The following PNLDC1 variants were observed in gnomAD, a reference collection of about 807,000 sequenced individuals.
PNLDC1 encodes the protein poly(A)-specific ribonuclease PNLDC1.
A neutral mutation model predicts 82.0 loss-of-function variants in PNLDC1; 70 were observed. The observed-to-expected ratio is 0.85, with a 90% CI of 0.70 to 1.04. PNLDC1 has a LOEUF of 1.04. Among genes scored for constraint, PNLDC1 ranks in the 50% least tolerant of loss-of-function variants. PNLDC1 has a pLI of 0.00. For synonymous variants in PNLDC1, 280 were observed against 249.3 expected (o/e 1.12, Z -1.16); for missense variants, 631 against 661.1 (o/e 0.95, Z 0.50).
upstream of PNLDC1, among the ~76,000 whole-genome samples, chr6:159,800,010 A>C (rs746836505): frequency 9.2e-5 from 14 of 152,170 alleles, no homozygotes; most frequent in Non-Finnish European, 1.2e-4. Flanking sequence ...TTAACATTCT[A>C]AGTCCATGTA....
intron 4 of PNLDC1, 123 bp from the exon 5 acceptor site, chr6:159,803,842 A>G: frequency 9.1e-7 from 1 of 1,099,910 alleles, no homozygotes; most frequent in Non-Finnish European, 1.3e-6. Flanking sequence ...GAAACACAGC[A>G]GACACTCGGG....
At chr6:159,804,864 AGT>A (rs1781392164) in intron 6 of PNLDC1, among the ~76,000 whole-genome samples, 1 of 152,204 alleles carries the variant, frequency 6.6e-6, no homozygotes, top group African/African-American at 2.4e-5. Context: ...CACTGCGTTG[AGT>A]GTGAGTTTCA....
Position 159,820,506 on chromosome 6 carries a change from T to C in PNLDC1, c.1585T>C (p.Ser529Pro). 6.2e-7 allele frequency: 1 copy of C among 1,614,166 alleles called. No homozygotes were observed. The highest frequency in any genetic ancestry group is 8.5e-7 in the Non-Finnish European group (1 of 1,180,030). ...CCTTCTCGCGTTCATCCTTGGAAGA[T>C]CTGGTACCTGAGTGCAGCGAGGCCT... Reference protein sequence around the residue: ...WALLAFILGRSGT With the variant: ...WALLAFILGRPGT Residue 529 changes from serine (S) to proline (P), a missense_variant, in exon 19 of 19, where the codon TCT (serine) becomes CCT (proline). Transcript: ENST00000392167.
At chr6:159,811,656 C>T in intron 10 of PNLDC1, 45 bp from the exon 11 acceptor site, 1 of 1,501,908 alleles carries the variant, frequency 6.7e-7, no homozygotes, top group Non-Finnish European at 9.2e-7. Flanking sequence ...CCCATTTTTG[C>T]CAACAAACAA....
rs149623337 is a variant in PNLDC1 at position 159,820,458 on chromosome 6, T to A, written c.1537T>A (p.Cys513Ser). The change falls in exon 19 of 19, where the codon TGT becomes AGT. Residue 513 changes from cysteine (C) to serine (S), a missense_variant. Physicochemically the swap from Cys to Ser is moderately radical, Grantham distance 112. Coordinates refer to ENST00000392167, the MANE Select transcript of PNLDC1 (RefSeq NM_001271862.2). ...SPNVNCLLQV[C>S]GIVTAWALLA... Reference sequence around the variant, plus strand: ...ACACGTGTCATTGTCTTGCAGAGTCTGTGGCATAGTGACTGCCTGGGCCCT... The same window carrying A: ...ACACGTGTCATTGTCTTGCAGAGTCAGTGGCATAGTGACTGCCTGGGCCCT... The A allele has an allele frequency of 5.3e-4, 852 of 1,613,982 alleles. 1 individual carries two copies. Among genetic ancestry groups the A allele is most frequent in the Non-Finnish European group, 6.6e-4 (782 of 1,180,018 alleles).
chr6:159,804,489 C>A, intron 5 of PNLDC1, 60 bp from the exon 6 acceptor site: 1 of 1,149,408 alleles, frequency 8.7e-7, no homozygotes, highest in Non-Finnish European at 1.3e-6. Context: ...TGAAATCAGG[C>A]ACAGAGGATC....
At chr6:159,804,137 GA>G (rs777853292) in intron 5 of PNLDC1, 49 bp downstream of exon 5, 27 of 1,599,762 alleles carry the variant, frequency 1.7e-5, no homozygotes, top group Non-Finnish European at 2.1e-5. Flanking sequence ...TTGTTTCTGA[GA>G]TGGAGTCTCG....
chr6:159,799,703 G>A (rs980837396), upstream of PNLDC1, among the ~76,000 whole-genome samples: 1 of 152,142 alleles, frequency 6.6e-6, no homozygotes, highest in Non-Finnish European at 1.5e-5. Flanking sequence ...ATAATCCCTG[G>A]GGACCAAGGA....
Position 159,817,888 on chromosome 6 carries a change from TC to T in PNLDC1, c.1158-666del, listed in dbSNP as rs1435161906. Among the ~76,000 whole-genome samples, 15 of 152,364 alleles carry T rather than the reference TC, an allele frequency of 9.8e-5. No individual in the cohort carries two copies. The East Asian group carries it at 2.9e-3, about 29-fold the overall frequency. Reference sequence around the variant, plus strand: ...CAGTGGATGTTATAAATACAAAAGTTCTGTGACACACGGATGGGAAGCTTAT... The same window carrying T: ...CAGTGGATGTTATAAATACAAAAGTTTGTGACACACGGATGGGAAGCTTAT... On this transcript the variant is annotated intron_variant, in intron 15 of 18. Coordinates refer to ENST00000392167, the MANE Select transcript of PNLDC1 (RefSeq NM_001271862.2).
At position 159,806,039 on chromosome 6, in the gene PNLDC1, A is replaced by G. The variant is rs763044691; in HGVS notation, c.518A>G (p.Glu173Gly). 3.7e-6 allele frequency: 6 copies of G among 1,614,148 alleles called. No homozygotes were observed. Among genetic ancestry groups the G allele is most frequent in the Non-Finnish European group, 5.1e-6 (6 of 1,180,028 alleles). ...ATTGACGAAGTGACGCGGTGGCTGG[A>G]GCTGGCCAAGGAAGGCGACTGGATG... The part of the protein sequence containing the change: ...VVIDEVTRWL[E>G]LAKEGDWMTL... Residue 173 changes from glutamate to glycine, a missense_variant, in exon 7 of 19, where the codon GAG (glutamate) becomes GGG (glycine). Physicochemically the swap from Glu to Gly is moderately conservative, Grantham distance 98. Coordinates refer to ENST00000392167, the MANE Select transcript of PNLDC1 (RefSeq NM_001271862.2).
intron 9 of PNLDC1, among the ~76,000 whole-genome samples, chr6:159,809,451 ATTTTTTTTTTT>A (rs71904720): frequency 4.3e-5 from 6 of 138,718 alleles, no homozygotes; most frequent in African/African-American, 1.4e-4. Context: ...TACCTGGCTA[ATTTTTTTTTTT>A]TTTTTTTTTT....
chr6:159,818,774 G>A (rs1781931389), intron 16 of PNLDC1, 120 bp downstream of exon 16: 1 of 1,216,050 alleles, frequency 8.2e-7, no homozygotes, highest in Non-Finnish European at 1.2e-6. Flanking sequence ...ATGAGAGCTG[G>A]GTTTTTCTTT....
chr6:159,808,323 C>T (rs146676944), intron 7 of PNLDC1, among the ~76,000 whole-genome samples: 6 of 152,322 alleles, frequency 3.9e-5, no homozygotes, highest in Admixed American at 3.3e-4. Flanking sequence ...AAATGTAGAA[C>T]AGTGTCACTC....
chr6:159,820,396 T>G, intron 18 of PNLDC1, 58 bp from the exon 19 acceptor site: 1 of 1,544,318 alleles, frequency 6.5e-7, no homozygotes, highest in Middle Eastern at 1.7e-4. Context: ...CAAGCCTGTG[T>G]CGGTGCCTCT....
In PNLDC1 at chr6:159,820,511, T is replaced by C. The variant is rs775184639; in HGVS notation, c.1590T>C (p.Gly530=). 3.7e-6 allele frequency: 6 copies of C among 1,614,110 alleles called. No homozygotes were observed. The highest frequency in any genetic ancestry group is 5.1e-6 in the Non-Finnish European group (6 of 1,180,000). ...TCGCGTTCATCCTTGGAAGATCTGG[T>C]ACCTGAGTGCAGCGAGGCCTCCTGC... ...ALLAFILGRS[G]T Residue 530 remains glycine, a synonymous_variant, in exon 19 of 19, where the codon GGT becomes GGC. Transcript: ENST00000392167.
intron 7 of PNLDC1, among the ~76,000 whole-genome samples, chr6:159,808,439 G>A (rs1399902138): frequency 6.7e-6 from 1 of 149,966 alleles, no homozygotes; most frequent in Non-Finnish European, 1.5e-5. Flanking sequence ...AAATGTAAGA[G>A]TTTTAATTTC....
At chr6:159,801,652 G>T (rs11756324) in intron 3 of PNLDC1, among the ~76,000 whole-genome samples, 18 of 151,426 alleles carry the variant, frequency 1.2e-4, no homozygotes, top group Non-Finnish European at 2.2e-4. Context: ...CGTCATGTTG[G>T]CCAGGCTGTT....
At chr6:159,818,838 C>T (rs1053777123) in intron 16 of PNLDC1, 108 bp from the exon 17 acceptor site, 10 of 1,346,498 alleles carry the variant, frequency 7.4e-6, no homozygotes, top group Non-Finnish European at 1.0e-5. Context: ...CTTCTCTTCC[C>T]CTCCCTGCCC....
chr6:159,819,013 C>T lies in PNLDC1; in HGVS notation c.1325C>T (p.Pro442Leu), dbSNP rs375974775. 9.3e-6 allele frequency: 15 copies of T among 1,614,056 alleles called. No individual in the cohort carries two copies. The highest frequency in any genetic ancestry group is 1.3e-5 in the Non-Finnish European group (15 of 1,180,016). Reference protein sequence around the residue: ...PILILSVKRWPGVSEQQVYHK... With the variant: ...PILILSVKRWLGVSEQQVYHK... ...CTCATCCTCAGCGTCAAAAGGTGGC[C>T]TGGGGTCAGCGAGCAGCAAGTCTAC... Residue 442 changes from proline (P) to leucine (L), a missense_variant, in exon 17 of 19, where the codon CCT becomes CTT. By Grantham distance (98) the Pro-to-Leu change is moderately conservative. Transcript: ENST00000392167. The surrounding 1 kb of genome is among the most constrained non-coding windows in gnomAD (Gnocchi z 4.6).
Sources: allele counts gnomAD v4.1 joint callset (sites outside exome capture counted in the v4.1 genomes callset), GRCh38; gene constraint gnomAD v4.1.1; non-coding constraint Gnocchi (gnomAD v3.1); transcripts MANE v1.5; gene names NCBI Gene and HGNC (gene_info 2026-07-23, HGNC 2026-07-21).